BRWD1: variants seen among roughly 807,000 people sequenced by gnomAD.
BRWD1 encodes the protein bromodomain and WD repeat-containing protein 1.
In BRWD1, 82 loss-of-function variants were observed where a neutral mutation model predicts 251.2. The ratio of observed to expected loss-of-function variants is 0.33; its 90% CI spans 0.27 to 0.39. BRWD1 has a LOEUF of 0.39. Ranked by LOEUF, BRWD1 falls within the 10% of genes least tolerant of loss-of-function variation. BRWD1 has a pLI of 1.00. For missense variants in BRWD1, 2,233 were observed against 2,711.6 expected, an observed-to-expected ratio of 0.82 and a Z score of 3.92; for synonymous variants, 918 against 902.8, an observed-to-expected ratio of 1.02 and a Z score of -0.30.
rs775185261 is a variant in BRWD1, at chr21:39,313,214, C to A, written c.108+27G>T. 4 of 1,522,172 alleles carry A rather than the reference C, an allele frequency of 2.6e-6. No homozygotes were observed. The South Asian group carries it at 3.6e-5, about 14-fold the overall frequency. The allele number at this position is 1,522,172 out of a possible 1,614,324, so 94.3% of individuals were successfully genotyped here. A position where few individuals can be genotyped will look rare whatever the true frequency, so the allele number is the denominator to read the frequency against. ...GCGGGGACACTGGGGACGCCAAGTC[C>A]GCAGCCGCCCGCGGGCCCGCACTCA... is the stretch of plus-strand genomic sequence containing the variant. On this transcript the variant is annotated intron_variant, in intron 2 of 40. Transcript: ENST00000342449.
Position 39,280,222 on chromosome 21 carries a change from T to C in BRWD1, c.858A>G (p.Gln286=). The change falls in exon 9 of 41, where the codon CAA becomes CAG. Residue 286 remains glutamine (Q), a synonymous_variant. Coordinates refer to ENST00000342449, the MANE Select transcript of BRWD1 (RefSeq NM_033656.4). Reference sequence around the variant, plus strand: ...CAGCACCAGTGGAAACCATGTATCTTTGAGAGCCTTTGGCCATCGGGCTAA... The same window carrying C: ...CAGCACCAGTGGAAACCATGTATCTCTGAGAGCCTTTGGCCATCGGGCTAA... ...LQFSPMAKGS[Q]RYMVSTGADG... The C allele has an allele frequency of 5.6e-6, 9 of 1,608,180 alleles. No homozygotes were observed. The highest frequency in any genetic ancestry group is 6.8e-6 in the Non-Finnish European group (8 of 1,178,146).
In BRWD1 at chr21:39,296,325, C is replaced by T; in HGVS notation, c.388G>A (p.Ala130Thr). The change falls in exon 6 of 41, where the codon GCT becomes ACT. Residue 130 changes from alanine to threonine, a missense_variant. This residue lies in a region of BRWD1 where 185 missense variants were observed against 260.6 expected (regional missense o/e 0.71). Coordinates refer to ENST00000342449, the MANE Select transcript of BRWD1 (RefSeq NM_033656.4). ...TCAGGAGGTCTTCCTCTATGAAGAGCAGCAAAGGCAGAGCCCTTCCAAACT... is the reference window on the plus strand; with the variant it reads ...TCAGGAGGTCTTCCTCTATGAAGAGTAGCAAAGGCAGAGCCCTTCCAAACT... The part of the protein sequence containing the change: ...HTVWKGSAFA[A>T]LHRGRPPEMP... 1.2e-6 allele frequency: 2 copies of T among 1,600,116 alleles called. No homozygotes were observed. The highest frequency in any genetic ancestry group is 1.7e-6 in the Non-Finnish European group (2 of 1,174,510).
Position 39,192,196 on chromosome 21 carries a change from T to C in BRWD1, c.*4063A>G, listed in dbSNP as rs1213633025. 2.0e-6 allele frequency: 2 copies of C among 985,212 alleles called. No individual in the cohort carries two copies. The highest frequency in any genetic ancestry group is 2.4e-6 in the Non-Finnish European group (2 of 829,870). 61.0% of individuals were successfully genotyped at this position (985,212 alleles called of 1,614,324 possible). A position where few individuals can be genotyped will look rare whatever the true frequency, so the allele number is the denominator to read the frequency against. On this transcript the variant is annotated 3_prime_UTR_variant, in exon 41 of 41. Transcript: ENST00000342449. ...GTATCCTTGGGCAACATCTCTGTAA[T>C]TTAACAGCCTTTAAAACTTAAAATC...
intron 15 of BRWD1, among the ~76,000 whole-genome samples, chr21:39,266,107 G>T (rs2034911863): frequency 2.0e-5 from 3 of 152,052 alleles, no homozygotes. Context: ...CTCAGTAACT[G>T]CCAGAACAAA....
chr21:39,300,847 T>TTA (rs1480739839), intron 4 of BRWD1, among the ~76,000 whole-genome samples: 3 of 152,192 alleles, frequency 2.0e-5, no homozygotes, highest in Non-Finnish European at 4.4e-5. Context: ...ACTTGGGACT[T>TTA]TAATTACACA....
At chr21:39,296,084 A>G (rs2035954757) in intron 6 of BRWD1, among the ~76,000 whole-genome samples, 181 bp from the exon 7 acceptor site, 1 of 152,152 alleles carries the variant, frequency 6.6e-6, no homozygotes. Flanking sequence ...CTATAAAAAG[A>G]TTTTTTATTA....
chr21:39,263,073 C>A (rs1343980431), intron 17 of BRWD1, among the ~76,000 whole-genome samples: 1 of 152,064 alleles, frequency 6.6e-6, no homozygotes, highest in Non-Finnish European at 1.5e-5. Flanking sequence ...CCACTGCACT[C>A]CAGCCTGGGG....
At chr21:39,313,664 T>TCCGCAGGAGACGAAAAGTAGTC (rs1175572158), upstream of BRWD1, 1 of 430,322 alleles carries the variant, frequency 2.3e-6, no homozygotes, top group African/African-American at 2.1e-5. Context: ...AGGAAGTAGT[T>TCCGCAGGAGACGAAAAGTAGTC]CCTCCGCGGG....
chr21:39,217,056 T>C (rs1202531828), intron 31 of BRWD1: 15 of 15,744 alleles, frequency 9.5e-4, no homozygotes, highest in African/African-American at 3.1e-3. Flanking sequence ...TATATTTATA[T>C]ATATATATAT....
At chr21:39,270,681 C>T (rs545216122) in intron 13 of BRWD1, among the ~76,000 whole-genome samples, 1 of 152,214 alleles carries the variant, frequency 6.6e-6, no homozygotes, top group South Asian at 2.1e-4. Flanking sequence ...GACACCATTA[C>T]TGCTTATGAA....
intron 21 of BRWD1, among the ~76,000 whole-genome samples, chr21:39,242,713 C>G (rs893075692): frequency 6.6e-6 from 1 of 152,176 alleles, no homozygotes; most frequent in Non-Finnish European, 1.5e-5. Context: ...TGGTAACTTT[C>G]AACTGAAGCC....
At chr21:39,291,115 A>T (rs1175823919) in intron 8 of BRWD1, among the ~76,000 whole-genome samples, 5 of 152,192 alleles carry the variant, frequency 3.3e-5, no homozygotes, top group Non-Finnish European at 7.3e-5. Flanking sequence ...AAAACAAAAA[A>T]CAAAAACAAA....
rs182825548 is a variant in BRWD1 at position 39,277,426 on chromosome 21, A to C, written c.1004-75T>G. 7.4e-6 allele frequency: 7 copies of C among 950,398 alleles called. No individual in the cohort carries two copies. The East Asian group carries it at 2.1e-4, about 28-fold the overall frequency. The allele number at this position is 950,398 out of a possible 1,614,324, so 58.9% of individuals were successfully genotyped here. A position where few individuals can be genotyped will look rare whatever the true frequency, so the allele number is the denominator to read the frequency against. On this transcript the variant is annotated intron_variant, in intron 10 of 40. Transcript: ENST00000342449. Reference sequence around the variant, plus strand: ...GAACAAATCAAATTTCCATATTAAAATATAAAAAAGAAAGATCATTTACCC... The same window carrying C: ...GAACAAATCAAATTTCCATATTAAACTATAAAAAAGAAAGATCATTTACCC...
intron 13 of BRWD1, among the ~76,000 whole-genome samples, chr21:39,272,298 A>C (rs2035137859): frequency 2.3e-5 from 3 of 129,936 alleles, no homozygotes; most frequent in African/African-American, 9.1e-5. Context: ...GTACCCTAAA[A>C]CTTAAATAAA....
intron 22 of BRWD1, among the ~76,000 whole-genome samples, chr21:39,237,401 T>C (rs1363905018): frequency 6.6e-6 from 1 of 152,158 alleles, no homozygotes; most frequent in Non-Finnish European, 1.5e-5. Context: ...CACTACTAGC[T>C]TCACCAAACA....
chr21:39,314,369 G>C (rs1439719209), upstream of BRWD1: 2 of 455,308 alleles, frequency 4.4e-6, no homozygotes, highest in Admixed American at 2.4e-5. Context: ...CGAGTCGGGG[G>C]AGCAGCGCGC....
chr21:39,229,380 G>A lies in BRWD1; in HGVS notation c.3057C>T (p.Leu1019=). 3 of 1,609,452 alleles carry A rather than the reference G, an allele frequency of 1.9e-6. No homozygotes were observed. The highest frequency in any genetic ancestry group is 2.6e-6 in the Non-Finnish European group (3 of 1,176,040). ...CTATAAATGCTAGTTTTAGGCAACA[G>A]AGTGTAGGGGGCCCAACTTCATATC... The part of the protein sequence containing the change: ...GIRYEVGPPT[L]CCLKLAFIDP... Residue 1019 remains leucine (L), a synonymous_variant, in exon 26 of 41, where the codon CTC becomes CTT. Transcript: ENST00000342449.
chr21:39,313,994 C>T (rs1333804713), upstream of BRWD1: 3 of 428,384 alleles, frequency 7.0e-6, no homozygotes, highest in Non-Finnish European at 1.4e-5. Context: ...CGCCGCCCCC[C>T]GTGGGACCTG....
Position 39,188,750 on chromosome 21 carries a change from G to A in BRWD1, c.*7509C>T. ...CAGTTGAGCGTTCTCCCCAGAATAG[G>A]TTAGGAAATACTTTATTCAAAGCAA... On this transcript the variant is annotated 3_prime_UTR_variant, in exon 41 of 41. Transcript: ENST00000342449. 1.0e-6 allele frequency: 1 copy of A among 985,370 alleles called. No individual in the cohort carries two copies. The highest frequency in any genetic ancestry group is 1.2e-6 in the Non-Finnish European group (1 of 829,910). The allele number at this position is 985,370 out of a possible 1,614,324, so 61.0% of individuals were successfully genotyped here.
Sources: allele counts gnomAD v4.1 joint callset (sites outside exome capture counted in the v4.1 genomes callset), GRCh38; gene constraint gnomAD v4.1.1; regional missense constraint gnomAD v4.1.1; transcripts MANE v1.5; gene names NCBI Gene and HGNC (gene_info 2026-07-23, HGNC 2026-07-21).